The following GUSB variants were observed in gnomAD, a reference collection of about 807,000 sequenced individuals.
The protein encoded by GUSB is glucuronidase beta, also known as beta-glucuronidase.
A neutral mutation model predicts 74.6 loss-of-function variants in GUSB; 51 were observed. The ratio of observed to expected loss-of-function variants is 0.68; its 90% CI spans 0.55 to 0.86. The LOEUF (loss-of-function observed/expected upper bound fraction) is 0.86, where lower values mean the gene tolerates loss of function less well. GUSB is among the 40% of genes least tolerant of loss of function. The probability of loss-of-function intolerance (pLI) is 0.00; values close to 1 mark genes in which losing one functional copy is unlikely to be tolerated. For synonymous variants in GUSB, 360 were observed against 348.3 expected (o/e 1.03, Z -0.37); for missense variants, 736 against 853.7 (o/e 0.86, Z 1.72).
intron 11 of GUSB, among the ~76,000 whole-genome samples, chr7:65,962,367 C>G (rs935881145): frequency 5.3e-5 from 8 of 152,208 alleles, no homozygotes; most frequent in Non-Finnish European, 1.0e-4. Flanking sequence ...AAGACCACCA[C>G]TAAATGGAAA....
chr7:65,976,331 A>ATTT, intron 4 of GUSB, 129 bp from the exon 5 acceptor site: 1 of 562,410 alleles, frequency 1.8e-6, no homozygotes, highest in Non-Finnish European at 3.1e-6. Context: ...TTAATTTCTT[A>ATTT]TTTTTTTTTT....
chr7:65,961,461 C>T (rs1395585961), intron 11 of GUSB, among the ~76,000 whole-genome samples: 1 of 152,160 alleles, frequency 6.6e-6, no homozygotes, highest in Non-Finnish European at 1.5e-5. Flanking sequence ...TTTCAGGATG[C>T]TTGCTCTGAA....
chr7:65,966,569 A>G (rs923057353), intron 10 of GUSB, among the ~76,000 whole-genome samples: 4 of 152,142 alleles, frequency 2.6e-5, no homozygotes, highest in African/African-American at 9.7e-5. Context: ...GAGGCAGGAC[A>G]ATCACGTAAG....
In GUSB at chr7:65,964,120, T is replaced by C. The variant is rs543638816; in HGVS notation, c.1789+203A>G. On this transcript the variant is annotated intron_variant, in intron 11 of 11. Coordinates refer to ENST00000304895, the MANE Select transcript of GUSB (RefSeq NM_000181.4). ...CTCCTGTTTGCTTTTTGACCGTATT[T>C]GGGAGGCGGGGGCCTGATTGCTTTC... The C allele has an allele frequency of 1.3e-5, 8 of 623,106 alleles. No individual in the cohort carries two copies. The South Asian group carries it at 1.4e-4, about 11-fold the overall frequency. The allele number at this position is 623,106 out of a possible 1,614,324, so 38.6% of individuals were successfully genotyped here. A position where few individuals can be genotyped will look rare whatever the true frequency, so the allele number is the denominator to read the frequency against.
At chr7:65,967,153 C>A (rs968437097) in intron 10 of GUSB, among the ~76,000 whole-genome samples, 1 of 152,036 alleles carries the variant, frequency 6.6e-6, no homozygotes, top group African/African-American at 2.4e-5. Flanking sequence ...GAGCCAATGA[C>A]AGGACTCCCA....
At chr7:65,964,484 A>C in intron 10 of GUSB, 26 bp from the exon 11 acceptor site, 1 of 1,607,408 alleles carries the variant, frequency 6.2e-7, no homozygotes. Context: ...AAGAGAATGT[A>C]AGAGTCAGAA....
At chr7:65,965,061 C>T (rs901019161) in intron 10 of GUSB, among the ~76,000 whole-genome samples, 1 of 148,372 alleles carries the variant, frequency 6.7e-6, no homozygotes, top group Non-Finnish European at 1.5e-5. Context: ...ACAGTGAGAC[C>T]CTGTCTCTAA....
rs1332406445 is a variant in GUSB at position 65,979,429 on chromosome 7, T to C, written c.694A>G (p.Thr232Ala). Residue 232 changes from threonine to alanine, a missense_variant, in exon 4 of 12, where the codon ACC becomes GCC. Around this residue, in one of 2 missense-constraint regions of GUSB, gnomAD observed 368 missense variants for 363.8 expected, o/e 1.01. Transcript: ENST00000304895. ...TTPTTYIDDI[T>A]VTTSVEQDSG... The stretch of plus-strand genomic sequence containing the variant: ...TCTTGCTCCACGCTGGTGGTGACGG[T>C]GATGTCATCGATGTAGGTGGTGGGT... 6.2e-7 allele frequency: 1 copy of C among 1,613,886 alleles called. No homozygotes were observed. The highest frequency in any genetic ancestry group is 8.5e-7 in the Non-Finnish European group (1 of 1,179,844).
At position 65,974,697 on chromosome 7, in the gene GUSB, C is replaced by T; in HGVS notation, c.1073G>A (p.Gly358Glu). ...CAGCAGCGGCCAGTCGAAGCCCTTC[C>T]CTCGGATCTAGGAGATAGCAGAGCC... ...VNKHEDADIR[G>E]KGFDWPLLVK... The change falls in exon 7 of 12, where the codon GGG becomes GAG. Residue 358 changes from glycine (G) to glutamate (E), a missense_variant. Gly to Glu is a moderately conservative substitution (Grantham distance 98). Transcript: ENST00000304895. The T allele has an allele frequency of 6.8e-6, 11 of 1,612,920 alleles. No individual in the cohort carries two copies. The highest frequency in any genetic ancestry group is 9.3e-6 in the Non-Finnish European group (11 of 1,180,036).
At position 65,964,649 on chromosome 7, in the gene GUSB, T is replaced by TA. The variant is rs544232651; in HGVS notation, c.1654-192dup. Among the ~76,000 whole-genome samples the TA allele has an allele frequency of 3.8e-3, 548 of 146,030 alleles. 2 individuals carry two copies. Among genetic ancestry groups the TA allele is most frequent in the Non-Finnish European group, 4.8e-3 (319 of 65,994 alleles). ...GTAACCCAGAATAAAAAAGGAGGTT[T>TA]AAAAAAAAAAACAACCTTAATGAGC... On this transcript the variant is annotated intron_variant, in intron 10 of 11. Transcript: ENST00000304895.
At chr7:65,969,427 G>A (rs1791052967) in intron 9 of GUSB, among the ~76,000 whole-genome samples, 1 of 151,974 alleles carries the variant, frequency 6.6e-6, no homozygotes, top group Admixed American at 6.6e-5. Flanking sequence ...GCCAGGCACT[G>A]CAACTCATGC....
chr7:65,968,061 G>A (rs919224585), intron 9 of GUSB, among the ~76,000 whole-genome samples, 154 bp from the exon 10 acceptor site: 13 of 151,992 alleles, frequency 8.6e-5, no homozygotes, highest in African/African-American at 3.1e-4. Flanking sequence ...AGACCAGCCT[G>A]GGCAACACAG....
chr7:65,966,230 T>C (rs1393985577), intron 10 of GUSB, among the ~76,000 whole-genome samples: 2 of 151,846 alleles, frequency 1.3e-5, no homozygotes, highest in Non-Finnish European at 2.9e-5. Context: ...CAAGCAAATA[T>C]ATCCAAGAGC....
Position 65,982,155 on chromosome 7 carries a change from G to A in GUSB, c.29C>T (p.Ala10Val). The change falls in exon 1 of 12, where the codon GCG becomes GTG. Residue 10 changes from alanine (A) to valine (V), a missense_variant. Physicochemically the swap from Ala to Val is moderately conservative, Grantham distance 64. Coordinates refer to ENST00000304895, the MANE Select transcript of GUSB (RefSeq NM_000181.4). The stretch of plus-strand genomic sequence containing the variant: ...GCCCCACAACAACGGCCCGAGCGCC[G>A]CCCAGGCAACCGCCGACCCCCGGGC... MARGSAVAW[A>V]ALGPLLWGCA... The A allele has an allele frequency of 2.0e-6, 3 of 1,525,274 alleles. No homozygotes were observed. Among genetic ancestry groups the A allele is most frequent in the Non-Finnish European group, 8.8e-7 (1 of 1,135,770 alleles). The allele number at this position is 1,525,274 out of a possible 1,614,324, so 94.5% of individuals were successfully genotyped here.
Position 65,970,368 on chromosome 7 carries a change from T to C in GUSB, c.1392-2A>G, listed in dbSNP as rs1562679074. On this transcript the variant is annotated splice_acceptor_variant, in intron 8 of 11. Transcript: ENST00000304895. LOFTEE classifies it high-confidence loss of function. The stretch of plus-strand genomic sequence containing the variant: ...GATTTGGTGTGAGCGATCACCATCC[T>C]GTCCACAAAAGGCAGAAGAAACAGG... The C allele has an allele frequency of 6.2e-7, 1 of 1,608,880 alleles. No individual in the cohort carries two copies. The highest frequency in any genetic ancestry group is 8.5e-7 in the Non-Finnish European group (1 of 1,175,716).
At chr7:65,970,179 C>T (rs1193148893) in intron 9 of GUSB, 103 bp downstream of exon 9, 2 of 778,054 alleles carry the variant, frequency 2.6e-6, no homozygotes, top group Non-Finnish European at 4.7e-6. Context: ...AAATAAAACC[C>T]AGACTGGCAG....
chr7:65,967,421 T>C (rs976722906), intron 10 of GUSB, among the ~76,000 whole-genome samples: 1 of 152,130 alleles, frequency 6.6e-6, no homozygotes, highest in Non-Finnish European at 1.5e-5. Context: ...ACCACCACAC[T>C]CCAGCCTGGG....
At chr7:65,979,965 G>A (rs907575462) in intron 2 of GUSB, 54 bp from the exon 3 acceptor site, 21 of 1,425,908 alleles carry the variant, frequency 1.5e-5, no homozygotes, top group Non-Finnish European at 1.6e-5. Flanking sequence ...ATGAGGAGGC[G>A]CCCTACTATC....
chr7:65,981,929 C>T (rs1792055188), intron 1 of GUSB, 45 bp downstream of exon 1: 4 of 1,538,842 alleles, frequency 2.6e-6, no homozygotes, highest in Non-Finnish European at 3.5e-6. Flanking sequence ...CCTACTCCCA[C>T]CGCCGGGCTT....
Sources: gnomAD v4.1 joint callset for allele counts (sites outside exome capture counted in the v4.1 genomes callset) on GRCh38, gnomAD v4.1.1 for gene constraint, gnomAD v4.1.1 regional missense constraint, MANE v1.5 for transcripts, NCBI Gene and HGNC (gene_info 2026-07-23, HGNC 2026-07-21) for gene names.